The following RALGDS variants were observed in gnomAD, a reference collection of about 807,000 sequenced individuals.
RALGDS encodes the protein ral guanine nucleotide exchange factor.
A neutral mutation model predicts 99.8 loss-of-function variants in RALGDS; 44 were observed. That is an observed-to-expected ratio of 0.44 (90% CI 0.35 to 0.57). RALGDS has a LOEUF of 0.57. Among genes scored for constraint, RALGDS ranks in the 20% least tolerant of loss-of-function variants. RALGDS has a pLI of 0.01. For synonymous variants in RALGDS, 529 were observed against 505.0 expected (o/e 1.05, Z -0.64); for missense variants, 1,022 against 1,203.1 (o/e 0.85, Z 2.23).
At chr9:133,114,966 G>A (rs1027930350) in intron 1 of RALGDS, among the ~76,000 whole-genome samples, 3 of 152,226 alleles carry the variant, frequency 2.0e-5, no homozygotes, top group Non-Finnish European at 4.4e-5. Flanking sequence ...CTGAAGATGA[G>A]GATGGGAAAC....
chr9:133,123,121 G>A (rs967552971), upstream of RALGDS, among the ~76,000 whole-genome samples: 3 of 152,044 alleles, frequency 2.0e-5, no homozygotes, highest in African/African-American at 4.8e-5. Flanking sequence ...TGGGTGAGGC[G>A]TATTTCGAGG....
rs112900732 is a variant in RALGDS, at chr9:133,140,754, C to A, written c.18+8209G>T. Reference sequence around the variant, plus strand: ...GTGCCTGAATCTTCCCTCCCACCAACTGGCTTCCTGCAGCCTGTTCCTTGG... The same window carrying A: ...GTGCCTGAATCTTCCCTCCCACCAAATGGCTTCCTGCAGCCTGTTCCTTGG... On this transcript the variant is annotated intron_variant, in intron 1 of 17. Coordinates refer to the RALGDS transcript ENST00000393160. Among the ~76,000 whole-genome samples, 487 of 152,328 alleles carry A rather than the reference C, an allele frequency of 3.2e-3. 5 individuals carry two copies. The highest frequency in any genetic ancestry group is 0.02 in the Middle Eastern group (6 of 294).
intron 1 of RALGDS, among the ~76,000 whole-genome samples, chr9:133,119,497 A>C (rs948547132): frequency 3.9e-5 from 6 of 152,148 alleles, no homozygotes; most frequent in Non-Finnish European, 8.8e-5. Context: ...GAGGGAAGAC[A>C]AGACCCCCAG....
At chr9:133,118,651 C>G (rs1269183704) in intron 1 of RALGDS, among the ~76,000 whole-genome samples, 1 of 152,216 alleles carries the variant, frequency 6.6e-6, no homozygotes, top group East Asian at 1.9e-4. Flanking sequence ...CTCCAGGTAG[C>G]TCTCCCCAGC....
chr9:133,126,716 G>A (rs1232553941), intron 1 of RALGDS, among the ~76,000 whole-genome samples: 1 of 152,204 alleles, frequency 6.6e-6, no homozygotes, highest in Non-Finnish European at 1.5e-5. Context: ...AGACGGAGGG[G>A]GACACACAGA....
intron 9 of RALGDS, 56 bp from the exon 10 acceptor site, chr9:133,104,387 C>T: frequency 6.7e-7 from 1 of 1,493,722 alleles, no homozygotes; most frequent in South Asian, 1.1e-5. Flanking sequence ...CCTCAGGCAC[C>T]CTGACCTGGG....
exon 1 of RALGDS, chr9:133,149,185 C>A: frequency 6.5e-6 from 1 of 153,822 alleles, no homozygotes; most frequent in South Asian, 1.9e-4. Flanking sequence ...TGCGCCGCGC[C>A]GCGCTCCGGC....
chr9:133,119,917 C>T (rs59449333), intron 1 of RALGDS, among the ~76,000 whole-genome samples: 1,912 of 152,284 alleles, frequency 0.013, 39 homozygotes, highest in African/African-American at 0.041. Flanking sequence ...TAACAATCGC[C>T]AGCAATCACA....
chr9:133,108,054 C>T lies in RALGDS; in HGVS notation c.1131G>A (p.Glu377=), dbSNP rs375568481. 15 of 1,613,544 alleles carry T rather than the reference C, an allele frequency of 9.3e-6. No homozygotes were observed. The African/African-American group carries it at 2.0e-4, about 22-fold the overall frequency. ...GGAACACCAAGAGGTGAGGCTTCTC[C>T]TCACTCAGCCCGTTCTCTGCAACCA... ...SPVVAENGLS[E]EKPHLLVFPP... is the part of the protein sequence containing the mutation. The change falls in exon 6 of 18, where the codon GAG becomes GAA. Residue 377 remains glutamate (E), a synonymous_variant. Transcript: ENST00000372050.
intron 7 of RALGDS, 120 bp from the exon 8 acceptor site, chr9:133,106,868 G>A: frequency 1.1e-6 from 1 of 944,108 alleles, no homozygotes; most frequent in South Asian, 1.4e-5. Context: ...GTCCCCAGAG[G>A]GCACGCCTGC....
At chr9:133,102,723 G>A in intron 13 of RALGDS, 56 bp downstream of exon 13, 2 of 1,602,802 alleles carry the variant, frequency 1.2e-6, no homozygotes, top group South Asian at 2.2e-5. Context: ...GCCCTCTGGA[G>A]CTGGCCCCCT....
intron 3 of RALGDS, 59 bp downstream of exon 3, chr9:133,110,237 A>AGGTGGG (rs1831277213): frequency 1.1e-5 from 16 of 1,515,840 alleles, no homozygotes; most frequent in East Asian, 9.0e-5. Flanking sequence ...ACCCGCAGCC[A>AGGTGGG]GGTGGGGGTG....
intron 1 of RALGDS, among the ~76,000 whole-genome samples, chr9:133,119,806 G>C (rs1376847215): frequency 6.6e-6 from 1 of 152,138 alleles, no homozygotes; most frequent in African/African-American, 2.4e-5. Flanking sequence ...CAGGCGTGTG[G>C]TGTTCCCCCA....
chr9:133,129,436 C>T lies in RALGDS; in HGVS notation c.132+1516G>A, dbSNP rs978769051. On this transcript the variant is annotated intron_variant, in intron 1 of 17. Coordinates refer to the RALGDS transcript ENST00000372062. ...GAGTGCCTGGGCCTGGTGTCACCCG[C>T]GTGGCTGTCATACCTGCTGCTGTGA... 4.9e-5 allele frequency: 69 copies of T among 1,400,628 alleles called. No homozygotes were observed. The African/African-American group carries it at 8.2e-4, about 17-fold the overall frequency. The allele number at this position is 1,400,628 out of a possible 1,614,324, so 86.8% of individuals were successfully genotyped here.
rs964611790 is a variant in RALGDS, at chr9:133,144,777, T to C, written c.18+4186A>G. 6.6e-6 allele frequency among the ~76,000 whole-genome samples: 1 copy of C among 152,304 alleles called. No homozygotes were observed. The highest frequency in any genetic ancestry group is 6.5e-5 in the Admixed American group (1 of 15,300). ...TTGGGAGGGGGATCATTCCCAATAC[T>C]CCTGTTACGGGTTGAACTGTGTCCC... On this transcript the variant is annotated intron_variant, in intron 1 of 17. Coordinates refer to the RALGDS transcript ENST00000393160. The surrounding 1 kb of genome is among the most constrained non-coding windows in gnomAD (Gnocchi z 4.5).
chr9:133,110,550 A>C, intron 2 of RALGDS, 61 bp from the exon 3 acceptor site: 9 of 1,458,164 alleles, frequency 6.2e-6, no homozygotes, highest in Non-Finnish European at 7.6e-6. Flanking sequence ...CCTGGAGCTC[A>C]GATGGAACCC....
chr9:133,110,195 G>C, intron 3 of RALGDS, 101 bp downstream of exon 3: 1 of 1,226,748 alleles, frequency 8.2e-7, no homozygotes, highest in East Asian at 2.4e-5. Flanking sequence ...TGAGCAAAGC[G>C]AGGCTCAGAG....
Position 133,102,506 on chromosome 9 carries a change from T to G in RALGDS, c.1979A>C (p.Lys660Thr), listed in dbSNP as rs778573933. 1 of 1,614,150 alleles carries G rather than the reference T, an allele frequency of 6.2e-7. No homozygotes were observed. The highest frequency in any genetic ancestry group is 1.3e-5 in the African/African-American group (1 of 75,074). Residue 660 changes from lysine (K) to threonine (T), a missense_variant, in exon 14 of 18, where the codon AAG (lysine) becomes ACG (threonine). Coordinates refer to ENST00000372050, the MANE Select transcript of RALGDS (RefSeq NM_006266.4). ...ESASNTLRTK[K>T]NTAIVKRWSD... ...CCAGCGCTTGACAATGGCTGTGTTCTTCTTGGTCCTGAGGGTGTTGCTGGC... is the reference window on the plus strand; with the variant it reads ...CCAGCGCTTGACAATGGCTGTGTTCGTCTTGGTCCTGAGGGTGTTGCTGGC...
At chr9:133,101,245 G>T in intron 16 of RALGDS, 1 of 1,313,650 alleles carries the variant, frequency 7.6e-7, no homozygotes, top group Middle Eastern at 2.0e-4. Context: ...CAGGGCCTAT[G>T]TGGCCAGGCC....
Sources: allele counts gnomAD v4.1 joint callset (sites outside exome capture counted in the v4.1 genomes callset), GRCh38; gene constraint gnomAD v4.1.1; non-coding constraint Gnocchi (gnomAD v3.1); transcripts MANE v1.5; gene names NCBI Gene and HGNC (gene_info 2026-07-23, HGNC 2026-07-21).